ZNF544: variants seen among roughly 807,000 people sequenced by gnomAD.
The protein encoded by ZNF544 is zinc finger protein 544, also known as zinc finger protein AF020591.
ZNF544 carries 10 observed loss-of-function variants against 13.5 expected under a neutral mutation model. That is an observed-to-expected ratio of 0.74 (90% CI 0.46 to 1.25). The LOEUF (loss-of-function observed/expected upper bound fraction) is 1.25, where lower values mean the gene tolerates loss of function less well. Ranked by LOEUF, ZNF544 falls within the 50% of genes most tolerant of loss-of-function variation. ZNF544 has a pLI of 0.00. For synonymous variants in ZNF544, 323 were observed against 300.5 expected (o/e 1.07, Z -0.77); for missense variants, 896 against 845.6 (o/e 1.06, Z -0.74).
chr19:58,262,221 C>T lies in ZNF544; in HGVS notation c.1615C>T (p.Gln539Ter). 6.2e-7 allele frequency: 1 copy of T among 1,613,924 alleles called. No homozygotes were observed. The highest frequency in any genetic ancestry group is 8.5e-7 in the Non-Finnish European group (1 of 1,179,994). The change falls in exon 7 of 7, where the codon CAG becomes TAG. Residue 539 changes from glutamine (Q) to a stop codon, truncating the protein, a stop_gained. Coordinates refer to ENST00000687789, the MANE Select transcript of ZNF544 (RefSeq NM_014480.4). LOFTEE classifies it low-confidence loss of function (END_TRUNC). ...CCAGAGTTCCAAACTTATTACGCATCAGCGAATTCACACTGGAGAAAAACC... is the reference window on the plus strand; with the variant it reads ...CCAGAGTTCCAAACTTATTACGCATTAGCGAATTCACACTGGAGAAAAACC... ...FSQSSKLITH[Q>*]RIHTGEKPYQ...
chr19:58,264,092 C>CA (rs34001424), downstream of ZNF544: 31,983 of 134,704 alleles, frequency 0.24, 4,023 homozygotes, highest in East Asian at 0.56. Context: ...AAGACTGTCT[C>CA]AAAAAAAAAA....
downstream of ZNF544, among the ~76,000 whole-genome samples, chr19:58,266,211 T>TAAAAAAA (rs1568510647): frequency 7.2e-5 from 1 of 13,832 alleles, no homozygotes; most frequent in Non-Finnish European, 1.5e-4. Flanking sequence ...AGACTCTGTC[T>TAAAAAAA]CAAAAAAAAA....
chr19:58,267,642 C>A, downstream of ZNF544: 1 of 138,872 alleles, frequency 7.2e-6, no homozygotes, highest in Non-Finnish European at 1.5e-5. Context: ...CATGCCATTG[C>A]ACTCCAGCCT....
Position 58,262,468 on chromosome 19 carries a change from G to A in ZNF544, c.1862G>A (p.Arg621Lys), listed in dbSNP as rs1450314896. 2.2e-5 allele frequency: 36 copies of A among 1,613,994 alleles called. No individual in the cohort carries two copies. The highest frequency in any genetic ancestry group is 3.0e-5 in the Non-Finnish European group (35 of 1,180,016). Reference sequence around the variant, plus strand: ...TTCAATCGAAGCACTCAGCTCATCAGGCATCTGCAAATTCACACTGGGGAG... The same window carrying A: ...TTCAATCGAAGCACTCAGCTCATCAAGCATCTGCAAATTCACACTGGGGAG... ...KAFNRSTQLI[R>K]HLQIHTGEKP... Residue 621 changes from arginine (R) to lysine (K), a missense_variant, in exon 7 of 7, where the codon AGG (arginine) becomes AAG (lysine). Physicochemically the swap from Arg to Lys is conservative, Grantham distance 26. Coordinates refer to ENST00000687789, the MANE Select transcript of ZNF544 (RefSeq NM_014480.4).
At position 58,251,623 on chromosome 19, in the gene ZNF544, C is replaced by A. The variant is rs866516130; in HGVS notation, c.244+4829C>A. Among the ~76,000 whole-genome samples the A allele has an allele frequency of 7.9e-5, 12 of 152,104 alleles. 1 individual carries two copies. Among genetic ancestry groups the A allele is most frequent in the Non-Finnish European group, 1.8e-4 (12 of 68,032 alleles). ...CTCTTGTAAAGCCTGCTGAAATAAT[C>A]CCAGGTTAACTAGGTATTTTACTAA... is the stretch of plus-strand genomic sequence containing the variant. On this transcript the variant is annotated intron_variant, in intron 6 of 6. Coordinates refer to ENST00000687789, the MANE Select transcript of ZNF544 (RefSeq NM_014480.4).
In ZNF544 at chr19:58,263,064, CTGGAGAGAAGCCCTGTGAA is replaced by C; in HGVS notation, c.*313_*331del. 1 of 1,114,918 alleles carries C rather than the reference CTGGAGAGAAGCCCTGTGAA, an allele frequency of 9.0e-7. No homozygotes were observed. The highest frequency in any genetic ancestry group is 1.1e-6 in the Non-Finnish European group (1 of 909,640). The allele number at this position is 1,114,918 out of a possible 1,614,324, so 69.1% of individuals were successfully genotyped here. ...CTTACTAGGCAGCAGAGAATTCATA[CTGGAGAGAAGCCCTGTGAA>C]TGTTAACAAATGTGGAAAAGCTTCC... On this transcript the variant is annotated 3_prime_UTR_variant, in exon 7 of 7. Coordinates refer to ENST00000687789, the MANE Select transcript of ZNF544 (RefSeq NM_014480.4).
intron 3 of ZNF544, among the ~76,000 whole-genome samples, chr19:58,241,314 C>G (rs1262321688): frequency 6.7e-6 from 1 of 149,818 alleles, no homozygotes; most frequent in Non-Finnish European, 1.5e-5. Flanking sequence ...GCCTGGCCCA[C>G]TTTGTTCTTT....
At chr19:58,255,947 T>G (rs1203721511) in intron 6 of ZNF544, among the ~76,000 whole-genome samples, 1 of 152,168 alleles carries the variant, frequency 6.6e-6, no homozygotes, top group Non-Finnish European at 1.5e-5. Context: ...AGCTGAAAGA[T>G]TTTCTGAAAA....
chr19:58,237,834 C>T (rs1009874980), intron 3 of ZNF544, among the ~76,000 whole-genome samples: 2 of 152,178 alleles, frequency 1.3e-5, no homozygotes, highest in Admixed American at 6.6e-5. Flanking sequence ...TGCGGAGCCA[C>T]CCGAGGATAG....
At chr19:58,229,943 C>T (rs1329720561) in intron 2 of ZNF544, 1 of 152,624 alleles carries the variant, frequency 6.6e-6, no homozygotes, top group Non-Finnish European at 1.5e-5. Flanking sequence ...GACTGTGTTT[C>T]TGTTTCCAGC....
chr19:58,267,943 T>C (rs1362764405), downstream of ZNF544, among the ~76,000 whole-genome samples: 2 of 148,294 alleles, frequency 1.3e-5, no homozygotes, highest in Admixed American at 1.3e-4. Context: ...ATCACGCCAC[T>C]GCACTCCATC....
rs1374019936 is a variant in ZNF544 at position 58,247,725 on chromosome 19, G to A, written c.244+931G>A. On this transcript the variant is annotated intron_variant, in intron 6 of 6. Coordinates refer to ENST00000687789, the MANE Select transcript of ZNF544 (RefSeq NM_014480.4). ...ATTTTTGTATTTTTAATGGAGATAG[G>A]GTTTCATCATGTTGCCCAGGCTAAT... The A allele has an allele frequency of 2.0e-5, 3 of 151,984 alleles. No homozygotes were observed. In the South Asian group the frequency reaches 6.3e-4, roughly 32 times the overall value. 9.4% of individuals were successfully genotyped at this position (151,984 alleles called of 1,614,324 possible).
At chr19:58,241,181 T>TG (rs60251692) in intron 3 of ZNF544, among the ~76,000 whole-genome samples, 1 of 51,278 alleles carries the variant, frequency 2.0e-5, no homozygotes, top group Non-Finnish European at 3.4e-5. Context: ...ATATATATAT[T>TG]TTTTTTTTTT....
At chr19:58,253,009 A>G (rs260448) in intron 6 of ZNF544, among the ~76,000 whole-genome samples, 88,840 of 151,942 alleles carry the variant, frequency 0.58, 26,142 homozygotes, top group Middle Eastern at 0.68. Context: ...TAGTAGAGAC[A>G]GGGTTTCACC....
chr19:58,248,766 CAAAA>C (rs964177592), intron 6 of ZNF544, among the ~76,000 whole-genome samples: 2 of 151,820 alleles, frequency 1.3e-5, no homozygotes, highest in African/African-American at 4.8e-5. Context: ...AAGAATGAAG[CAAAA>C]AAAGCATAGA....
At chr19:58,255,045 G>A (rs1342381180) in intron 6 of ZNF544, among the ~76,000 whole-genome samples, 2 of 147,094 alleles carry the variant, frequency 1.4e-5, no homozygotes, top group African/African-American at 2.5e-5. Context: ...CCGCCACCAC[G>A]CACGGCTAAT....
At chr19:58,257,301 A>G (rs923838122) in intron 6 of ZNF544, 2 of 152,262 alleles carry the variant, frequency 1.3e-5, no homozygotes, top group African/African-American at 2.4e-5. Context: ...CTGTATTGAA[A>G]CAAAAATGCA....
chr19:58,260,690 G>A (rs2048726843), intron 6 of ZNF544, 161 bp from the exon 7 acceptor site: 1 of 645,544 alleles, frequency 1.5e-6, no homozygotes, highest in African/African-American at 1.8e-5. Flanking sequence ...TACCATGTTT[G>A]CTGATCCATC....
In ZNF544 at chr19:58,262,715, TGTA is replaced by T; in HGVS notation, c.2112_2114del (p.Val705del). On this transcript the variant is annotated inframe_deletion, in exon 7 of 7. Transcript: ENST00000687789. The stretch of plus-strand genomic sequence containing the variant: ...AATCCTTCCGGCAGCAATCTCAACT[TGTA>T]GTGCATCGGCGGACACATACTGGAG... 6.2e-7 allele frequency: 1 copy of T among 1,610,142 alleles called. No individual in the cohort carries two copies. The highest frequency in any genetic ancestry group is 1.1e-5 in the South Asian group (1 of 90,814).
Sources: gnomAD v4.1 joint callset for allele counts (sites outside exome capture counted in the v4.1 genomes callset) on GRCh38, gnomAD v4.1.1 for gene constraint, MANE v1.5 for transcripts, NCBI Gene and HGNC (gene_info 2026-07-23, HGNC 2026-07-21) for gene names.